NBAS: variants seen among roughly 807,000 people sequenced by gnomAD.
NBAS encodes the protein NAG/BC035112 fusion.
In NBAS, 219 loss-of-function variants were observed where a neutral mutation model predicts 302.5. That is an observed-to-expected ratio of 0.72 (90% CI 0.65 to 0.81). The LOEUF (loss-of-function observed/expected upper bound fraction) is 0.81. Ranked by LOEUF, NBAS falls within the 30% of genes least tolerant of loss-of-function variation. NBAS has a pLI of 0.00. For synonymous variants in NBAS, 1,118 were observed against 1,021.6 expected (o/e 1.09, Z -1.80); for missense variants, 2,932 against 2,841.6 (o/e 1.03, Z -0.72).
chr2:15,056,677 G>A, the NBAS span, among the ~76,000 whole-genome samples: 2 of 152,184 alleles, frequency 1.3e-5, no homozygotes, highest in Non-Finnish European at 2.9e-5. Context: ...AGGCAGGAAG[G>A]AACTCCTTGG....
chr2:15,412,071 T>C (rs1189860783), intron 25 of NBAS, among the ~76,000 whole-genome samples: 1 of 152,118 alleles, frequency 6.6e-6, no homozygotes, highest in African/African-American at 2.4e-5. Context: ...AGAGATGGTT[T>C]CAAAGACAAA....
Position 15,473,245 on chromosome 2 carries a change from C to T in NBAS, c.1702G>A (p.Val568Ile), listed in dbSNP as rs150197485. Residue 568 changes from valine to isoleucine, a missense_variant, in exon 16 of 52, where the codon GTT becomes ATT. By Grantham distance (29) the Val-to-Ile change is conservative (BLOSUM62 3). Transcript: ENST00000281513. ...ACCAAATAATTCTGAATTGAAGCAA[C>T]GTTGACCGCTGACTTCCTCCACTGC... Reference protein sequence around the residue: ...QRQWRKSAVNVASIQNYLSKI... With the variant: ...QRQWRKSAVNIASIQNYLSKI... The T allele has an allele frequency of 1.9e-3, 3,137 of 1,614,034 alleles. 8 individuals are homozygous for T. The highest frequency in any genetic ancestry group is 2.5e-3 in the Middle Eastern group (15 of 6,062).
the NBAS span, among the ~76,000 whole-genome samples, chr2:14,954,273 T>A: frequency 1.1e-4 from 17 of 152,256 alleles, no homozygotes; most frequent in Non-Finnish European, 2.1e-4. Context: ...ATGTGGAAAG[T>A]GTATGGGCGC....
the NBAS span, among the ~76,000 whole-genome samples, chr2:14,824,085 G>A: frequency 6.6e-6 from 1 of 152,204 alleles, no homozygotes; most frequent in Non-Finnish European, 1.5e-5. Context: ...GTTGCAAGCA[G>A]CATCTCATTC....
intron 48 of NBAS, 52 bp downstream of exon 48, chr2:15,218,721 T>A: frequency 6.2e-7 from 1 of 1,612,342 alleles, no homozygotes; most frequent in African/African-American, 1.3e-5. Context: ...AGCAACCGCG[T>A]CCGGCCTAAT....
the NBAS span, among the ~76,000 whole-genome samples, chr2:15,143,919 C>G: frequency 6.6e-6 from 1 of 151,412 alleles, no homozygotes; most frequent in Non-Finnish European, 1.5e-5. Flanking sequence ...CCTCAAACAT[C>G]AGACTTCAAG....
the NBAS span, among the ~76,000 whole-genome samples, chr2:15,042,439 G>A: frequency 1.3e-5 from 2 of 152,102 alleles, no homozygotes; most frequent in Non-Finnish European, 2.9e-5. Context: ...ATCGATCCAG[G>A]AAATTGGAAA....
intron 35 of NBAS, among the ~76,000 whole-genome samples, chr2:15,351,479 C>T (rs760696495): frequency 2.0e-5 from 3 of 152,078 alleles, no homozygotes; most frequent in East Asian, 1.9e-4. Context: ...GAGTTCGAGA[C>T]GAGCCTGGCC....
chr2:14,961,402 C>T, the NBAS span, among the ~76,000 whole-genome samples: 2 of 152,034 alleles, frequency 1.3e-5, no homozygotes, highest in African/African-American at 2.4e-5. Context: ...TGAGTTACTG[C>T]ACTATTAGTT....
chr2:15,234,434 G>C (rs1341920901), intron 46 of NBAS, 111 bp downstream of exon 46: 1 of 1,105,338 alleles, frequency 9.0e-7, no homozygotes, highest in Non-Finnish European at 1.3e-6. Context: ...TCTCACTTTT[G>C]TAAAGTCCTT....
the NBAS span, among the ~76,000 whole-genome samples, chr2:14,828,386 G>T: frequency 3.9e-5 from 6 of 152,118 alleles, no homozygotes; most frequent in Admixed American, 1.3e-4. Flanking sequence ...AAAGCCAGAG[G>T]ATTAATGTTC....
chr2:15,058,300 G>A, the NBAS span, among the ~76,000 whole-genome samples: 4 of 152,124 alleles, frequency 2.6e-5, no homozygotes, highest in Non-Finnish European at 4.4e-5. Flanking sequence ...GCAGCTAGTG[G>A]GTAGAGGCCA....
chr2:15,314,039 C>T (rs778094363), intron 38 of NBAS, among the ~76,000 whole-genome samples: 7 of 152,098 alleles, frequency 4.6e-5, no homozygotes, highest in Non-Finnish European at 8.8e-5. Context: ...AAACTGTAAA[C>T]TCTAGATAAA....
the NBAS span, among the ~76,000 whole-genome samples, chr2:14,892,986 G>A: frequency 6.4e-4 from 97 of 152,198 alleles, no homozygotes; most frequent in African/African-American, 2.2e-3. Context: ...CTTAATATTA[G>A]ACTCACCTGT....
intron 51 of NBAS, among the ~76,000 whole-genome samples, chr2:15,169,446 A>G (rs1356628418): frequency 1.3e-5 from 2 of 152,052 alleles, no homozygotes; most frequent in African/African-American, 4.8e-5. Context: ...TGCCTAGCAA[A>G]CAAGAGTCTC....
the NBAS span, among the ~76,000 whole-genome samples, chr2:14,824,797 C>T: frequency 2.6e-5 from 4 of 152,006 alleles, no homozygotes; most frequent in Non-Finnish European, 4.4e-5. Flanking sequence ...AACCTGAGTT[C>T]ATGTTCTATG....
the NBAS span, among the ~76,000 whole-genome samples, chr2:15,104,615 G>A: frequency 0.017 from 2,642 of 152,086 alleles, 87 homozygotes; most frequent in African/African-American, 0.06. Flanking sequence ...AGATCCTTAA[G>A]GAATCGCCAC....
At chr2:14,879,585 A>G in the NBAS span, among the ~76,000 whole-genome samples, 8,145 of 152,228 alleles carry the variant, frequency 0.054, 730 homozygotes, top group African/African-American at 0.18. Context: ...ATTTGTGATT[A>G]AGGATTTATA....
chr2:14,901,363 T>TA, the NBAS span, among the ~76,000 whole-genome samples: 1 of 151,402 alleles, frequency 6.6e-6, no homozygotes, highest in African/African-American at 2.4e-5. Context: ...AGTTTAGTAA[T>TA]AAAAAAGAAT....
Sources: gnomAD v4.1 joint callset for allele counts (sites outside exome capture counted in the v4.1 genomes callset) on GRCh38, gnomAD v4.1.1 for gene constraint, MANE v1.5 for transcripts, NCBI Gene and HGNC (gene_info 2026-07-23, HGNC 2026-07-21) for gene names.